SCRN1: variants seen among roughly 807,000 people sequenced by gnomAD.
SCRN1 encodes secernin 1, also known as secernin-1.
In SCRN1, 19 loss-of-function variants were observed where a neutral mutation model predicts 43.3. The observed-to-expected ratio is 0.44, with a 90% CI of 0.31 to 0.64. The LOEUF is 0.64. Among genes scored for constraint, SCRN1 ranks in the 30% least tolerant of loss-of-function variants. The pLI, the probability that SCRN1 is intolerant of heterozygous loss-of-function variation, is 0.09. For synonymous variants in SCRN1, 183 were observed against 188.9 expected (o/e 0.97, Z 0.26); for missense variants, 447 against 524.1 (o/e 0.85, Z 1.44).
chr7:29,977,318 A>G (rs926475866), intron 1 of SCRN1, among the ~76,000 whole-genome samples: 2 of 152,214 alleles, frequency 1.3e-5, no homozygotes, highest in African/African-American at 4.8e-5. Context: ...ACCTTCCAGA[A>G]AAGCAAAGGA....
chr7:29,942,238 T>C (rs754797381), intron 4 of SCRN1, among the ~76,000 whole-genome samples: 4 of 152,262 alleles, frequency 2.6e-5, no homozygotes, highest in East Asian at 1.9e-4. Context: ...AGATTTATAG[T>C]AGACATTTGC....
chr7:29,930,080 T>A (rs1325645948), intron 6 of SCRN1, among the ~76,000 whole-genome samples: 1 of 152,186 alleles, frequency 6.6e-6, no homozygotes, highest in Non-Finnish European at 1.5e-5. Context: ...CTCCAAATAT[T>A]TTTTCAAAGC....
chr7:29,952,256 TC>T (rs1482246920), intron 3 of SCRN1, among the ~76,000 whole-genome samples: 1 of 152,238 alleles, frequency 6.6e-6, no homozygotes, highest in Non-Finnish European at 1.5e-5. Flanking sequence ...TCTAGCAAGT[TC>T]CCAGGTGATG....
At chr7:29,954,882 T>C (rs192152886) in intron 3 of SCRN1, among the ~76,000 whole-genome samples, 65 of 152,300 alleles carry the variant, frequency 4.3e-4, no homozygotes, top group Middle Eastern at 3.4e-3. Context: ...GGTTTCACCA[T>C]GTTGGCCAGG....
intron 2 of SCRN1, among the ~76,000 whole-genome samples, chr7:29,959,507 C>A (rs190014672): frequency 2.0e-5 from 3 of 152,100 alleles, no homozygotes; most frequent in Admixed American, 6.5e-5. Context: ...TGGGCTCAAG[C>A]GATCCTCCCC....
chr7:29,959,412 A>G (rs182083142), intron 2 of SCRN1, among the ~76,000 whole-genome samples: 55 of 151,954 alleles, frequency 3.6e-4, no homozygotes, highest in Non-Finnish European at 6.6e-4. Context: ...AAAATTATAT[A>G]TGTGTGTGTG....
At chr7:29,989,918 C>T (rs960673936), upstream of SCRN1, 6 of 1,066,634 alleles carry the variant, frequency 5.6e-6, no homozygotes, top group East Asian at 4.5e-4. Context: ...GCGCGTCTGG[C>T]TGCACGGGCC....
chr7:29,929,415 T>C (rs1787084114), intron 6 of SCRN1, among the ~76,000 whole-genome samples: 1 of 152,014 alleles, frequency 6.6e-6, no homozygotes, highest in Non-Finnish European at 1.5e-5. Flanking sequence ...CCCATGCCAC[T>C]CCAAAGCCCA....
At chr7:29,962,690 A>G (rs950534035) in intron 2 of SCRN1, among the ~76,000 whole-genome samples, 11 of 109,648 alleles carry the variant, frequency 1.0e-4, no homozygotes, top group African/African-American at 1.5e-4. Flanking sequence ...TGTCTCAAAC[A>G]TAAAATAAAA....
chr7:29,985,702 T>TCC (rs1156671245), intron 1 of SCRN1, among the ~76,000 whole-genome samples: 1 of 152,214 alleles, frequency 6.6e-6, no homozygotes, highest in Non-Finnish European at 1.5e-5. Flanking sequence ...TGTCCCCATG[T>TCC]CCTAGATCAC....
At position 29,950,440 on chromosome 7, in the gene SCRN1, T is replaced by C. The variant is rs1787882521; in HGVS notation, c.341+4739A>G. On this transcript the variant is annotated intron_variant, in intron 3 of 7. Transcript: ENST00000242059. This position sits in a 1 kb window ranked among gnomAD's most constrained non-coding sequence, Gnocchi z 4.5. ...AACCTGGACATCATGGATGGCACGTTGATGGCAGGAGGCAGACAGTTTCCT... is the reference window on the plus strand; with the variant it reads ...AACCTGGACATCATGGATGGCACGTCGATGGCAGGAGGCAGACAGTTTCCT... Among the ~76,000 whole-genome samples, 1 of 152,212 alleles carries C rather than the reference T, an allele frequency of 6.6e-6. No homozygotes were observed. The highest frequency in any genetic ancestry group is 1.5e-5 in the Non-Finnish European group (1 of 68,034).
At chr7:29,988,250 G>A (rs1267860478) in intron 1 of SCRN1, among the ~76,000 whole-genome samples, 1 of 152,156 alleles carries the variant, frequency 6.6e-6, no homozygotes, top group Non-Finnish European at 1.5e-5. Context: ...CGACCTCCAG[G>A]TTGTGCATCA....
At chr7:29,944,445 G>A (rs534349621) in intron 3 of SCRN1, among the ~76,000 whole-genome samples, 1 of 152,158 alleles carries the variant, frequency 6.6e-6, no homozygotes, top group East Asian at 1.9e-4. Context: ...AGGATTGCTT[G>A]AGCTCAGGAG....
chr7:29,976,925 G>A lies in SCRN1; in HGVS notation c.-1-7857C>T, dbSNP rs905133123. The stretch of plus-strand genomic sequence containing the variant: ...ACCACATACAGAATGTGTAGCTGAG[G>A]AGGGAGGAAGCTGTGTGGGAGAAAA... On this transcript the variant is annotated intron_variant, in intron 1 of 7. Coordinates refer to ENST00000242059, the MANE Select transcript of SCRN1 (RefSeq NM_014766.5). Among the ~76,000 whole-genome samples the A allele has an allele frequency of 2.0e-5, 3 of 152,228 alleles. No homozygotes were observed. In the South Asian group the frequency reaches 6.2e-4, roughly 32 times the overall value.
intron 2 of SCRN1, among the ~76,000 whole-genome samples, chr7:29,968,418 T>C (rs1788565276): frequency 6.6e-6 from 1 of 151,406 alleles, no homozygotes; most frequent in Non-Finnish European, 1.5e-5. Flanking sequence ...AAAATAAAAA[T>C]GAAAAAAAAT....
chr7:29,933,091 G>C (rs1346195576), intron 6 of SCRN1, among the ~76,000 whole-genome samples: 2 of 151,972 alleles, frequency 1.3e-5, no homozygotes, highest in Non-Finnish European at 2.9e-5. Context: ...TGTTGGCCAG[G>C]CTGGTCTGGA....
At chr7:29,941,066 C>G (rs1242175132) in intron 4 of SCRN1, among the ~76,000 whole-genome samples, 190 bp from the exon 5 acceptor site, 2 of 152,158 alleles carry the variant, frequency 1.3e-5, no homozygotes, top group Non-Finnish European at 2.9e-5. Context: ...AAGGTCTGAC[C>G]AGTCTTGACT....
rs1222906487 is a variant in SCRN1, at chr7:29,920,567, C to G, written c.*3390G>C. The G allele has an allele frequency of 6.6e-6, 1 of 152,286 alleles. No homozygotes were observed. The highest frequency in any genetic ancestry group is 1.5e-5 in the Non-Finnish European group (1 of 68,102). 9.4% of individuals were successfully genotyped at this position (152,286 alleles called of 1,614,324 possible). A position where few individuals can be genotyped will look rare whatever the true frequency, so the allele number is the denominator to read the frequency against. ...CGAAGCATGCCCAGCAAGGGAACCT[C>G]CTCCGTCCCTCCTCCACGTGCTTCC... On this transcript the variant is annotated 3_prime_UTR_variant, in exon 8 of 8. Transcript: ENST00000242059.
intron 6 of SCRN1, among the ~76,000 whole-genome samples, chr7:29,927,262 C>A (rs938903564): frequency 6.6e-6 from 1 of 152,088 alleles, no homozygotes; most frequent in Non-Finnish European, 1.5e-5. Flanking sequence ...CAATTCAGTT[C>A]TCTCGGCAGG....
Sources: gnomAD v4.1 joint callset for allele counts (sites outside exome capture counted in the v4.1 genomes callset) on GRCh38, gnomAD v4.1.1 for gene constraint, Gnocchi (gnomAD v3.1) non-coding constraint, MANE v1.5 for transcripts, NCBI Gene and HGNC (gene_info 2026-07-23, HGNC 2026-07-21) for gene names.